Variants in SYN3 observed in about 807,000 individuals in gnomAD.
SYN3 encodes the protein synapsin III.
Under a neutral mutation model 65.8 loss-of-function variants are expected in SYN3, and 35 were observed. That is an observed-to-expected ratio of 0.53 (90% CI 0.41 to 0.70). SYN3 has a LOEUF of 0.70. SYN3 is among the 30% of genes least tolerant of loss of function. The pLI is 0.00. For synonymous variants in SYN3, 270 were observed against 292.9 expected (o/e 0.92, Z 0.80); for missense variants, 680 against 749.0 (o/e 0.91, Z 1.08).
chr22:33,032,306 G>C (rs1264264909), intron 1 of SYN3, among the ~76,000 whole-genome samples: 1 of 151,724 alleles, frequency 6.6e-6, no homozygotes, highest in South Asian at 2.1e-4. Context: ...TCAGGTGTTC[G>C]AGACCAGCCT....
intron 2 of SYN3, among the ~76,000 whole-genome samples, chr22:33,002,585 A>C (rs2053089847): frequency 6.6e-6 from 1 of 152,184 alleles, no homozygotes. Flanking sequence ...TGGAGGTTGC[A>C]GTAAGCTGAG....
chr22:32,639,200 G>A (rs1197796994), intron 6 of SYN3, among the ~76,000 whole-genome samples: 1 of 152,016 alleles, frequency 6.6e-6, no homozygotes, highest in Non-Finnish European at 1.5e-5. Flanking sequence ...TGATCCACCC[G>A]CCTCGGCCTC....
chr22:32,600,693 ATTT>A (rs36106259), intron 6 of SYN3, among the ~76,000 whole-genome samples: 2 of 149,682 alleles, frequency 1.3e-5, no homozygotes, highest in African/African-American at 4.9e-5. Context: ...ACTTAATATG[ATTT>A]TTTTTTTTTG....
intron 4 of SYN3, 160 bp downstream of exon 4, chr22:32,931,230 G>A (rs562904036): frequency 2.4e-5 from 14 of 592,000 alleles, no homozygotes; most frequent in South Asian, 2.3e-4. Flanking sequence ...ATGTGCCGCT[G>A]GTCATTACTA....
intron 6 of SYN3, among the ~76,000 whole-genome samples, chr22:32,723,548 G>A (rs1384227986): frequency 6.6e-6 from 1 of 152,080 alleles, no homozygotes. Flanking sequence ...AATCTGGCTG[G>A]TGGAGGAACT....
chr22:32,640,594 C>T lies in SYN3; in HGVS notation c.712-43858G>A, dbSNP rs1233356453. 2.6e-5 allele frequency among the ~76,000 whole-genome samples: 4 copies of T among 152,122 alleles called. No individual in the cohort carries two copies. The East Asian group carries it at 5.8e-4, about 22-fold the overall frequency. The stretch of plus-strand genomic sequence containing the variant: ...AAATCTATTCATATTTGGCCGGGTG[C>T]GGTGGCTCACGCCTGTAATCCCAGC... On this transcript the variant is annotated intron_variant, in intron 6 of 13. Transcript: ENST00000358763.
chr22:32,792,969 C>A (rs1475616669), intron 6 of SYN3, among the ~76,000 whole-genome samples: 1 of 152,194 alleles, frequency 6.6e-6, no homozygotes, highest in South Asian at 2.1e-4. Flanking sequence ...AATTTAACTT[C>A]TTTGAGCCTC....
At chr22:32,989,879 C>A (rs1355755371) in intron 2 of SYN3, among the ~76,000 whole-genome samples, 1 of 150,110 alleles carries the variant, frequency 6.7e-6, no homozygotes, top group Non-Finnish European at 1.5e-5. Context: ...ACTCCCTCTA[C>A]CCCTCTCCTC....
At chr22:32,701,726 A>G (rs1394149572) in intron 6 of SYN3, among the ~76,000 whole-genome samples, 1 of 152,206 alleles carries the variant, frequency 6.6e-6, no homozygotes, top group Non-Finnish European at 1.5e-5. Flanking sequence ...AATCTACCCA[A>G]TATAAAGCAC....
In SYN3 at chr22:32,556,815, T is replaced by C. The variant is rs1365607762; in HGVS notation, c.775-15102A>G. Among the ~76,000 whole-genome samples the C allele has an allele frequency of 2.0e-3, 245 of 121,990 alleles. 14 individuals are homozygous for C. Among genetic ancestry groups the C allele is most frequent in the African/African-American group, 4.1e-3 (131 of 31,972 alleles). 80.0% of individuals were successfully genotyped at this position (121,990 alleles called of 152,430 possible). A position where few individuals can be genotyped will look rare whatever the true frequency, so the allele number is the denominator to read the frequency against. On this transcript the variant is annotated intron_variant, in intron 7 of 13. Coordinates refer to ENST00000358763, the MANE Select transcript of SYN3 (RefSeq NM_003490.4). ...CTATAGGTTTCCTGGTTTTTTTTTT[T>C]TTTTTTTTTTTTTTTTTTTTGTGTG... is the stretch of plus-strand genomic sequence containing the variant.
chr22:32,688,173 T>C (rs2060616734), intron 6 of SYN3, among the ~76,000 whole-genome samples: 1 of 152,184 alleles, frequency 6.6e-6, no homozygotes, highest in African/African-American at 2.4e-5. Flanking sequence ...TGTCCAGTGG[T>C]ACCTTCAACC....
chr22:32,614,466 C>T (rs2059487646), intron 6 of SYN3, among the ~76,000 whole-genome samples: 1 of 152,216 alleles, frequency 6.6e-6, no homozygotes, highest in Non-Finnish European at 1.5e-5. Context: ...GTTATTGCAG[C>T]TGCCAAGACC....
At chr22:32,890,040 T>C (rs2049399492) in intron 4 of SYN3, among the ~76,000 whole-genome samples, 1 of 151,274 alleles carries the variant, frequency 6.6e-6, no homozygotes, top group Non-Finnish European at 1.5e-5. Flanking sequence ...GTTTCCTCCA[T>C]TTGTTCTTGG....
chr22:32,739,871 T>C (rs2061382512), intron 6 of SYN3, among the ~76,000 whole-genome samples: 1 of 152,230 alleles, frequency 6.6e-6, no homozygotes, highest in African/African-American at 2.4e-5. Flanking sequence ...GCTCTTTTCA[T>C]GCTATGAGCC....
At chr22:32,980,854 C>A in intron 2 of SYN3, 152 bp from the exon 3 acceptor site, 1 of 523,208 alleles carries the variant, frequency 1.9e-6, no homozygotes, top group Non-Finnish European at 3.3e-6. Context: ...TTTTCTCAGT[C>A]TTTTTTTTTT....
At chr22:32,902,049 A>G (rs560602205) in intron 4 of SYN3, among the ~76,000 whole-genome samples, 1 of 152,326 alleles carries the variant, frequency 6.6e-6, no homozygotes, top group East Asian at 1.9e-4. Flanking sequence ...TTTGTTGGGC[A>G]CATGAGAATG....
chr22:32,696,794 G>T (rs1476030459), intron 6 of SYN3, among the ~76,000 whole-genome samples: 1 of 152,152 alleles, frequency 6.6e-6, no homozygotes, highest in African/African-American at 2.4e-5. Flanking sequence ...AGGAGGAATT[G>T]TCAGGATGGC....
intron 6 of SYN3, chr22:32,802,200 C>A: frequency 2.6e-6 from 4 of 1,517,476 alleles, no homozygotes; most frequent in Admixed American, 4.0e-5. Flanking sequence ...CAGGGCGAGC[C>A]CCACTCCTTT....
intron 4 of SYN3, among the ~76,000 whole-genome samples, chr22:32,913,326 T>A (rs1222307159): frequency 6.6e-6 from 1 of 151,994 alleles, no homozygotes; most frequent in African/African-American, 2.4e-5. Flanking sequence ...ACCCAGCTAA[T>A]TTTTTGTATT....
Sources: allele counts gnomAD v4.1 joint callset (sites outside exome capture counted in the v4.1 genomes callset), GRCh38; gene constraint gnomAD v4.1.1; transcripts MANE v1.5; gene names NCBI Gene and HGNC (gene_info 2026-07-23, HGNC 2026-07-21).